C16orf96: variants seen among roughly 807,000 people sequenced by gnomAD.
C16orf96 encodes chromosome 16 open reading frame 96, also known as uncharacterized protein C16orf96.
Under a neutral mutation model 103.6 loss-of-function variants are expected in C16orf96, and 108 were observed. The observed-to-expected ratio is 1.04, with a 90% CI of 0.89 to 1.22. The LOEUF (loss-of-function observed/expected upper bound fraction) is 1.22. Ranked by LOEUF, C16orf96 falls within the 50% of genes most tolerant of loss-of-function variation. The pLI is 0.00. For missense variants in C16orf96, 1,586 were observed against 1,464.2 expected (o/e 1.08, Z -1.36); for synonymous variants, 566 against 593.5 (o/e 0.95, Z 0.67).
chr16:4,593,624 T>A lies in C16orf96; in HGVS notation c.2867+308T>A, dbSNP rs529027787. Reference sequence around the variant, plus strand: ...GCTAGGGTTCCTATGCCCATGTCCCTGTTTCTTGGCGGAGGGAATCGGTGA... The same window carrying A: ...GCTAGGGTTCCTATGCCCATGTCCCAGTTTCTTGGCGGAGGGAATCGGTGA... On this transcript the variant is annotated intron_variant, in intron 12 of 15. Transcript: ENST00000444310. The surrounding 1 kb of genome is among the most constrained non-coding windows in gnomAD (Gnocchi z 4.2). Among the ~76,000 whole-genome samples, 2 of 152,184 alleles carry A rather than the reference T, an allele frequency of 1.3e-5. No homozygotes were observed. The highest frequency in any genetic ancestry group is 1.3e-4 in the Admixed American group (2 of 15,270).
At chr16:4,582,006 G>T (rs950562762) in intron 7 of C16orf96, among the ~76,000 whole-genome samples, 1 of 152,028 alleles carries the variant, frequency 6.6e-6, no homozygotes, top group African/African-American at 2.4e-5. Context: ...TAACGGCCAG[G>T]CGCGGTGGTT....
chr16:4,565,596 C>G (rs1207397411), intron 1 of C16orf96, among the ~76,000 whole-genome samples: 1 of 152,234 alleles, frequency 6.6e-6, no homozygotes, highest in Non-Finnish European at 1.5e-5. Context: ...TCAAGTGATT[C>G]TTGTGCCTCA....
At chr16:4,588,535 C>T (rs773568274) in intron 9 of C16orf96, among the ~76,000 whole-genome samples, 4 of 152,104 alleles carry the variant, frequency 2.6e-5, no homozygotes, top group Non-Finnish European at 5.9e-5. Flanking sequence ...TCGAATGAGG[C>T]TGGATGAGCC....
Position 4,576,246 on chromosome 16 carries a change from C to G in C16orf96, c.1766C>G (p.Ala589Gly). The G allele has an allele frequency of 3.9e-6, 6 of 1,550,812 alleles. No individual in the cohort carries two copies. The highest frequency in any genetic ancestry group is 5.2e-6 in the Non-Finnish European group (6 of 1,146,994). Reference protein sequence around the residue: ...AAATSSAAQAAKVAAKFVKDA... With the variant: ...AAATSSAAQAGKVAAKFVKDA... ...GCCACATCCTCCGCTGCCCAGGCAG[C>G]CAAAGTTGCTGCCAAGTTTGTCAAG... is the stretch of plus-strand genomic sequence containing the variant. Residue 589 changes from alanine to glycine, a missense_variant, in exon 5 of 16, where the codon GCC (alanine) becomes GGC (glycine). Ala to Gly is a moderately conservative substitution (Grantham distance 60). Transcript: ENST00000444310.
intron 12 of C16orf96, among the ~76,000 whole-genome samples, chr16:4,594,065 C>G (rs1027286650): frequency 5.3e-5 from 8 of 152,166 alleles, no homozygotes; most frequent in Admixed American, 5.2e-4. Context: ...CACCCTCCCT[C>G]CCTGGCTCCT....
intron 1 of C16orf96, among the ~76,000 whole-genome samples, chr16:4,563,701 T>G (rs2059356707): frequency 6.6e-6 from 1 of 151,926 alleles, no homozygotes; most frequent in Admixed American, 6.6e-5. Context: ...CCTGAGTAAC[T>G]GGGATTACAA....
intron 14 of C16orf96, among the ~76,000 whole-genome samples, chr16:4,597,175 G>A (rs548850236): frequency 2.6e-5 from 4 of 152,212 alleles, no homozygotes; most frequent in South Asian, 2.1e-4. Flanking sequence ...GCTTCTCCTC[G>A]AGAGGACTGG....
intron 15 of C16orf96, 135 bp downstream of exon 15, chr16:4,599,499 G>A: frequency 1.3e-6 from 1 of 767,202 alleles, no homozygotes; most frequent in South Asian, 1.6e-5. Flanking sequence ...TGCTTTGCCT[G>A]CCTATGGCAC....
chr16:4,574,850 C>T (rs1596524405), intron 3 of C16orf96, 61 bp downstream of exon 3: 1 of 1,534,296 alleles, frequency 6.5e-7, no homozygotes, highest in Non-Finnish European at 8.8e-7. Context: ...CTCCCGGGTC[C>T]TGGGTGCTGA....
intron 1 of C16orf96, among the ~76,000 whole-genome samples, chr16:4,565,771 C>T (rs557277243): frequency 6.6e-6 from 1 of 152,172 alleles, no homozygotes; most frequent in African/African-American, 2.4e-5. Context: ...TTACAGACAT[C>T]AGCCACCACA....
At chr16:4,547,458 TA>T in the C16orf96 span, among the ~76,000 whole-genome samples, 1 of 148,746 alleles carries the variant, frequency 6.7e-6, no homozygotes. Context: ...TGATTCAGTT[TA>T]CATTAAATGT....
Position 4,567,692 on chromosome 16 carries a change from C to CTTTTTTTTTTTTTTTTTTTTTTTTT in C16orf96, c.421-3868_421-3844dup, listed in dbSNP as rs60143866. On this transcript the variant is annotated intron_variant, in intron 1 of 15. Transcript: ENST00000444310. The stretch of plus-strand genomic sequence containing the variant: ...AATTTTCAATAGTTTCTTCTGTTGC[C>CTTTTTTTTTTTTTTTTTTTTTTTTT]TTTTTTTTTTTTTTTTTTTTTTTTT... Among the ~76,000 whole-genome samples, 2 of 44,528 alleles carry CTTTTTTTTTTTTTTTTTTTTTTTTT rather than the reference C, an allele frequency of 4.5e-5. 1 individual carries two copies. The highest frequency in any genetic ancestry group is 7.7e-5 in the Non-Finnish European group (2 of 25,850). The allele number at this position is 44,528 out of a possible 152,430, so 29.2% of individuals were successfully genotyped here.
rs191374978 is a variant in C16orf96, at chr16:4,575,165, C to T, written c.694-9C>T. The T allele has an allele frequency of 5.2e-6, 8 of 1,545,478 alleles. No homozygotes were observed. The highest frequency in any genetic ancestry group is 4.9e-5 in the East Asian group (2 of 40,896). ...AGCCAGCAGAGCCCCTCTGCCCCCT[C>T]TTCTGCAGGAAATTGGTTCATCACC... On this transcript the variant is annotated splice_polypyrimidine_tract_variant and intron_variant, in intron 4 of 15. Transcript: ENST00000444310.
chr16:4,547,681 C>CTTTCTTTCT, the C16orf96 span, among the ~76,000 whole-genome samples: 1 of 16,448 alleles, frequency 6.1e-5, no homozygotes, highest in Non-Finnish European at 1.9e-4. Context: ...TGCTTCCTTC[C>CTTTCTTTCT]TTCCTTCCTT....
chr16:4,581,160 ATATATATATATATATATATATAT>A (rs2059582559), intron 7 of C16orf96, among the ~76,000 whole-genome samples: 1 of 116,210 alleles, frequency 8.6e-6, no homozygotes, highest in Admixed American at 8.6e-5. Context: ...ATATATATAT[ATATATATATATATATATATATAT>A]AATTAGCCAG....
intron 14 of C16orf96, among the ~76,000 whole-genome samples, chr16:4,598,842 G>A (rs1047869226): frequency 6.6e-6 from 1 of 152,122 alleles, no homozygotes; most frequent in South Asian, 2.1e-4. Context: ...GGAAGGCTGG[G>A]CGTAATGGTT....
At chr16:4,595,093 A>G (rs1897143838) in intron 14 of C16orf96, among the ~76,000 whole-genome samples, 1 of 152,156 alleles carries the variant, frequency 6.6e-6, no homozygotes. Flanking sequence ...TGAGCTAGGA[A>G]AGGTGCTGGG....
chr16:4,540,687 A>G, the C16orf96 span, among the ~76,000 whole-genome samples: 1 of 151,674 alleles, frequency 6.6e-6, no homozygotes, highest in Non-Finnish European at 1.5e-5. Flanking sequence ...AGATCACACC[A>G]CTGCTCTCCA....
At position 4,593,364 on chromosome 16, in the gene C16orf96, A is replaced by G. The variant is rs534006847; in HGVS notation, c.2867+48A>G. Reference sequence around the variant, plus strand: ...AGGGAGGCCGCCCCGCATGGAGGCCACTCTGGAGCCTGGGAACCCTGTTCC... The same window carrying G: ...AGGGAGGCCGCCCCGCATGGAGGCCGCTCTGGAGCCTGGGAACCCTGTTCC... On this transcript the variant is annotated intron_variant, in intron 12 of 15. Coordinates refer to ENST00000444310, the MANE Select transcript of C16orf96 (RefSeq NM_001145011.2). This position sits in a 1 kb window ranked among gnomAD's most constrained non-coding sequence, Gnocchi z 4.2. The G allele has an allele frequency of 2.0e-6, 3 of 1,494,432 alleles. No individual in the cohort carries two copies. The highest frequency in any genetic ancestry group is 2.8e-5 in the African/African-American group (2 of 71,910). 92.6% of individuals were successfully genotyped at this position (1,494,432 alleles called of 1,614,324 possible). A position where few individuals can be genotyped will look rare whatever the true frequency, so the allele number is the denominator to read the frequency against.
Sources: allele counts gnomAD v4.1 joint callset (sites outside exome capture counted in the v4.1 genomes callset), GRCh38; gene constraint gnomAD v4.1.1; non-coding constraint Gnocchi (gnomAD v3.1); transcripts MANE v1.5; gene names NCBI Gene and HGNC (gene_info 2026-07-23, HGNC 2026-07-21).